Variants in ZNF141 observed in about 807,000 individuals in gnomAD.
ZNF141 encodes the protein zinc finger protein 141 (clone pHZ-44).
Under a neutral mutation model 11.3 loss-of-function variants are expected in ZNF141, and 7 were observed. The observed-to-expected ratio is 0.62, with a 90% CI of 0.35 to 1.16. ZNF141 has a LOEUF of 1.16. Among genes scored for constraint, ZNF141 ranks in the 50% most tolerant of loss-of-function variants. The pLI is 0.02. For synonymous variants in ZNF141, 183 were observed against 190.7 expected (o/e 0.96, Z 0.33); for missense variants, 535 against 554.0 (o/e 0.97, Z 0.34).
Position 373,752 on chromosome 4 carries a change from A to T in ZNF141, c.1315A>T (p.Ser439Cys). 6.2e-7 allele frequency: 1 copy of T among 1,614,186 alleles called. No individual in the cohort carries two copies. The highest frequency in any genetic ancestry group is 8.5e-7 in the Non-Finnish European group (1 of 1,180,006). The change falls in exon 4 of 4, where the codon AGT becomes TGT. Residue 439 changes from serine to cysteine, a missense_variant. Transcript: ENST00000240499. ...AGCCTTTAAACAATTTTCGCTCCTG[A>T]GTCAACATAAGAAAATTCATACTGT... is the stretch of plus-strand genomic sequence containing the variant. The part of the protein sequence containing the change: ...DKAFKQFSLL[S>C]QHKKIHTVDK...
chr4:348,069 C>G (rs559542070), intron 3 of ZNF141, among the ~76,000 whole-genome samples: 1 of 152,192 alleles, frequency 6.6e-6, no homozygotes, highest in Admixed American at 6.5e-5. Flanking sequence ...TGGTCTCGAT[C>G]TCCTGATCTC....
chr4:365,670 C>T (rs1711709614), intron 3 of ZNF141, among the ~76,000 whole-genome samples: 1 of 152,112 alleles, frequency 6.6e-6, no homozygotes, highest in Admixed American at 6.5e-5. Flanking sequence ...CATAATGTTA[C>T]TTCTTTTGCC....
intron 1 of ZNF141, among the ~76,000 whole-genome samples, chr4:340,729 G>C (rs1721006588): frequency 6.6e-6 from 1 of 152,168 alleles, no homozygotes; most frequent in African/African-American, 2.4e-5. Flanking sequence ...TGAACTGTTT[G>C]TCTTTTGAAG....
At chr4:360,302 G>C (rs1722048903) in intron 3 of ZNF141, among the ~76,000 whole-genome samples, 1 of 152,166 alleles carries the variant, frequency 6.6e-6, no homozygotes, top group Admixed American at 6.6e-5. Flanking sequence ...TACAGATTCA[G>C]AATTTCTGAA....
chr4:354,229 C>G (rs897314424), intron 3 of ZNF141, among the ~76,000 whole-genome samples: 1 of 152,128 alleles, frequency 6.6e-6, no homozygotes, highest in Non-Finnish European at 1.5e-5. Flanking sequence ...TGCACTGATC[C>G]TCACCCATGG....
intron 3 of ZNF141, 72 bp from the exon 4 acceptor site, chr4:372,592 T>C (rs1281769190): frequency 7.7e-7 from 1 of 1,305,016 alleles, no homozygotes; most frequent in African/African-American, 1.5e-5. Flanking sequence ...TTTGAATAAT[T>C]TCATAAGATT....
rs1720862026 is a variant in ZNF141, at chr4:337,903, A to G, written c.-81A>G. On this transcript the variant is annotated 5_prime_UTR_variant, in exon 1 of 4. Coordinates refer to ENST00000240499, the MANE Select transcript of ZNF141 (RefSeq NM_003441.4). Reference sequence around the variant, plus strand: ...TGGGAGGCCTTGGTGATTCGGCCACAGCTCAGCCTCCGTCGCTCTGTGACC... The same window carrying G: ...TGGGAGGCCTTGGTGATTCGGCCACGGCTCAGCCTCCGTCGCTCTGTGACC... The G allele has an allele frequency of 3.0e-6, 4 of 1,336,952 alleles. No individual in the cohort carries two copies. 82.8% of individuals were successfully genotyped at this position (1,336,952 alleles called of 1,614,324 possible).
intron 1 of ZNF141, 110 bp downstream of exon 1, chr4:338,096 C>T: frequency 2.0e-6 from 3 of 1,487,924 alleles, no homozygotes; most frequent in South Asian, 2.4e-5. Context: ...CGCCGCTCAG[C>T]CCTGGGGCCT....
chr4:378,830 C>G lies in ZNF141; in HGVS notation c.*4968C>G, dbSNP rs996623329. On this transcript the variant is annotated 3_prime_UTR_variant, in exon 4 of 4. Coordinates refer to ENST00000240499, the MANE Select transcript of ZNF141 (RefSeq NM_003441.4). ...CAGCTGTTGAATCCAAACAGTTTCT[C>G]AGTGATTTTTTTTTTTTTTTTTTTT... is the stretch of plus-strand genomic sequence containing the variant. Among the ~76,000 whole-genome samples the G allele has an allele frequency of 7.4e-6, 1 of 135,920 alleles. No homozygotes were observed. The highest frequency in any genetic ancestry group is 1.5e-5 in the Non-Finnish European group (1 of 64,790). 89.2% of individuals were successfully genotyped at this position (135,920 alleles called of 152,430 possible). A position where few individuals can be genotyped will look rare whatever the true frequency, so the allele number is the denominator to read the frequency against.
chr4:375,209 A>T lies in ZNF141; in HGVS notation c.*1347A>T, dbSNP rs1030032879. On this transcript the variant is annotated 3_prime_UTR_variant, in exon 4 of 4. Coordinates refer to ENST00000240499, the MANE Select transcript of ZNF141 (RefSeq NM_003441.4). ...GTAATTTCTGTTGAAAGACTTCAGA[A>T]AATATAGGCCTTTAAAGTGAAGAAG... 6.6e-6 allele frequency: 1 copy of T among 152,146 alleles called. No individual in the cohort carries two copies. The allele number at this position is 152,146 out of a possible 1,614,324, so 9.4% of individuals were successfully genotyped here. A position where few individuals can be genotyped will look rare whatever the true frequency, so the allele number is the denominator to read the frequency against.
rs1214974473 is a variant in ZNF141 at position 379,041 on chromosome 4, C to T, written c.*5179C>T. Among the ~76,000 whole-genome samples the T allele has an allele frequency of 1.3e-5, 2 of 151,880 alleles. No homozygotes were observed. Among genetic ancestry groups the T allele is most frequent in the Non-Finnish European group, 2.9e-5 (2 of 67,966 alleles). On this transcript the variant is annotated 3_prime_UTR_variant, in exon 4 of 4. Transcript: ENST00000240499. ...TGTATTTTTAATAGAGATGAGGTTT[C>T]ACTCTGTTGGCCAGGCTGGTCTCGA...
rs1712495257 is a variant in ZNF141, at chr4:378,951, TCTC to T, written c.*5092_*5094del. 6.8e-6 allele frequency among the ~76,000 whole-genome samples: 1 copy of T among 148,006 alleles called. No homozygotes were observed. The highest frequency in any genetic ancestry group is 6.8e-5 in the Admixed American group (1 of 14,708). On this transcript the variant is annotated 3_prime_UTR_variant, in exon 4 of 4. Coordinates refer to ENST00000240499, the MANE Select transcript of ZNF141 (RefSeq NM_003441.4). ...CCTCCACCTCTCGGGTTCAAGCAAT[TCTC>T]CTGCCTCAGCCTCCCAAGTAGCTGG...
intron 3 of ZNF141, among the ~76,000 whole-genome samples, chr4:349,054 T>G (rs1721472104): frequency 6.6e-6 from 1 of 152,212 alleles, no homozygotes. Context: ...TTATTTTGAT[T>G]AACTTTCTTA....
intron 3 of ZNF141, among the ~76,000 whole-genome samples, chr4:369,756 A>ATTTTTT (rs1560196775): frequency 2.8e-5 from 1 of 35,358 alleles, no homozygotes. Flanking sequence ...ATATATATAT[A>ATTTTTT]TATATATATT....
Position 383,452 on chromosome 4 carries a change from T to A in ZNF141, c.*9590T>A. 1 of 342,856 alleles carries A rather than the reference T, an allele frequency of 2.9e-6. No individual in the cohort carries two copies. The highest frequency in any genetic ancestry group is 1.2e-4 in the South Asian group (1 of 8,286). The allele number at this position is 342,856 out of a possible 1,614,324, so 21.2% of individuals were successfully genotyped here. ...AGTATTGATTTTCTTTTTTCCTTTATTTAAAGTTAGATTTGTTGTAAGATG... is the reference window on the plus strand; with the variant it reads ...AGTATTGATTTTCTTTTTTCCTTTAATTAAAGTTAGATTTGTTGTAAGATG... On this transcript the variant is annotated 3_prime_UTR_variant, in exon 4 of 4. Coordinates refer to ENST00000240499, the MANE Select transcript of ZNF141 (RefSeq NM_003441.4).
rs1289395779 is a variant in ZNF141, at chr4:381,285, CTTTAAA to C, written c.*7428_*7433del. ...AATAGGTTTTTATTTGTTTATAAAA[CTTTAAA>C]TTTATCTCTAGGAACCTCAGCCGAG... On this transcript the variant is annotated 3_prime_UTR_variant, in exon 4 of 4. Coordinates refer to ENST00000240499, the MANE Select transcript of ZNF141 (RefSeq NM_003441.4). Among the ~76,000 whole-genome samples the C allele has an allele frequency of 7.9e-5, 12 of 151,062 alleles. No individual in the cohort carries two copies. The highest frequency in any genetic ancestry group is 1.5e-5 in the Non-Finnish European group (1 of 67,882).
Position 372,785 on chromosome 4 carries a change from C to T in ZNF141, c.348C>T (p.Gly116=). 2 of 1,613,194 alleles carry T rather than the reference C, an allele frequency of 1.2e-6. No individual in the cohort carries two copies. Among genetic ancestry groups the T allele is most frequent in the South Asian group, 1.1e-5 (1 of 91,060 alleles). ...ATGATAATTTACAATTAAGAAAAGG[C>T]TGTAAAAGTTTGAATGAGTGTAAGT... ...CGHDNLQLRK[G]CKSLNECKLQ... Residue 116 remains glycine (G), a synonymous_variant, in exon 4 of 4, where the codon GGC becomes GGT. Coordinates refer to ENST00000240499, the MANE Select transcript of ZNF141 (RefSeq NM_003441.4).
In ZNF141 at chr4:372,990, C is replaced by T; in HGVS notation, c.553C>T (p.His185Tyr). Residue 185 changes from histidine (H) to tyrosine (Y), a missense_variant, in exon 4 of 4, where the codon CAC becomes TAC. Coordinates refer to ENST00000240499, the MANE Select transcript of ZNF141 (RefSeq NM_003441.4). ...ECGKSFQKFS[H>Y]LTQHKVIHAG... is the part of the protein sequence containing the mutation. ...TGGCAAATCATTTCAGAAGTTTTCA[C>T]ACCTAACTCAACATAAGGTAATTCA... The T allele has an allele frequency of 1.2e-6, 2 of 1,614,024 alleles. No individual in the cohort carries two copies. The highest frequency in any genetic ancestry group is 1.7e-6 in the Non-Finnish European group (2 of 1,179,942).
chr4:347,292 C>T (rs531450097), intron 3 of ZNF141, among the ~76,000 whole-genome samples: 159 of 151,186 alleles, frequency 1.1e-3, no homozygotes, highest in African/African-American at 3.8e-3. Context: ...CCGTCTCAGC[C>T]TCCCAAAGTG....
Sources: gnomAD v4.1 joint callset for allele counts (sites outside exome capture counted in the v4.1 genomes callset) on GRCh38, gnomAD v4.1.1 for gene constraint, MANE v1.5 for transcripts, NCBI Gene and HGNC (gene_info 2026-07-23, HGNC 2026-07-21) for gene names.